PRR16: variants seen among roughly 807,000 people sequenced by gnomAD.
The protein encoded by PRR16 is proline rich 16, also known as protein Largen.
Under a neutral mutation model 18.2 loss-of-function variants are expected in PRR16, and 6 were observed. The observed-to-expected ratio is 0.33, with a 90% CI of 0.18 to 0.65. The LOEUF (loss-of-function observed/expected upper bound fraction) is 0.65. PRR16 is among the 30% of genes least tolerant of loss of function. PRR16 has a pLI of 0.74. For missense variants in PRR16, 412 were observed against 376.6 expected, an observed-to-expected ratio of 1.09 and a Z score of -0.78; for synonymous variants, 151 against 147.8, an observed-to-expected ratio of 1.02 and a Z score of -0.16.
intron 1 of PRR16, among the ~76,000 whole-genome samples, chr5:120,669,769 G>A (rs1756531276): frequency 6.6e-6 from 1 of 151,926 alleles, no homozygotes; most frequent in Non-Finnish European, 1.5e-5. Context: ...AAAGAAAAAA[G>A]TGTTTCTAGA....
At chr5:120,675,554 A>G (rs1756766977) in intron 1 of PRR16, among the ~76,000 whole-genome samples, 1 of 152,070 alleles carries the variant, frequency 6.6e-6, no homozygotes. Flanking sequence ...TTATTAACTC[A>G]TCTGTATATT....
At chr5:120,744,685 T>C in the PRR16 span, among the ~76,000 whole-genome samples, 2 of 152,234 alleles carry the variant, frequency 1.3e-5, no homozygotes, top group African/African-American at 2.4e-5. Flanking sequence ...ACTTATAACA[T>C]GGACAACTTA....
the PRR16 span, among the ~76,000 whole-genome samples, chr5:120,721,774 T>C: frequency 7.9e-5 from 12 of 152,092 alleles, no homozygotes; most frequent in Non-Finnish European, 1.3e-4. Context: ...GAGTTCAAGA[T>C]GGAACAGCAG....
chr5:120,741,704 C>G, the PRR16 span, among the ~76,000 whole-genome samples: 7 of 152,078 alleles, frequency 4.6e-5, no homozygotes, highest in Non-Finnish European at 1.0e-4. Context: ...CTGGTTCAAG[C>G]GATTCCCCTG....
chr5:120,591,604 G>C (rs1267791409), intron 1 of PRR16, among the ~76,000 whole-genome samples: 1 of 151,790 alleles, frequency 6.6e-6, no homozygotes, highest in Non-Finnish European at 1.5e-5. Flanking sequence ...AACTGCTTTT[G>C]TGGTTTTAAG....
chr5:120,650,002 G>A lies in PRR16; in HGVS notation c.160-35952G>A, dbSNP rs137867587. Among the ~76,000 whole-genome samples the A allele has an allele frequency of 3.1e-3, 477 of 151,914 alleles. 2 individuals carry two copies. The highest frequency in any genetic ancestry group is 0.011 in the African/African-American group (461 of 41,448). On this transcript the variant is annotated intron_variant, in intron 1 of 1. Transcript: ENST00000407149. ...TGGGAGGCCTAGGTGGGCAGATCAC[G>A]AGGTCAAGAGATTGAGACCATCCTG...
chr5:120,628,211 C>A (rs1297699510), intron 1 of PRR16, among the ~76,000 whole-genome samples: 2 of 152,038 alleles, frequency 1.3e-5, no homozygotes, highest in Admixed American at 1.3e-4. Context: ...GAACCTGATG[C>A]GCTGACAGTA....
At chr5:120,666,493 A>T (rs1270978212) in intron 1 of PRR16, among the ~76,000 whole-genome samples, 4 of 151,378 alleles carry the variant, frequency 2.6e-5, no homozygotes, top group Non-Finnish European at 5.9e-5. Flanking sequence ...TTCCAACACT[A>T]TGTTGCATAG....
chr5:120,590,083 A>G (rs1753582194), intron 1 of PRR16, among the ~76,000 whole-genome samples: 1 of 152,118 alleles, frequency 6.6e-6, no homozygotes, highest in Admixed American at 6.6e-5. Flanking sequence ...ACAACACATG[A>G]TTTTCAGAAA....
Position 120,651,678 on chromosome 5 carries a change from A to G in PRR16, c.160-34276A>G, listed in dbSNP as rs539959660. On this transcript the variant is annotated intron_variant, in intron 1 of 1. Transcript: ENST00000407149. ...ATTTCTGAGGTCTCTGTTCTGTTCCATTGGTCTATATCTCTGTTTTGGTAC... is the reference window on the plus strand; with the variant it reads ...ATTTCTGAGGTCTCTGTTCTGTTCCGTTGGTCTATATCTCTGTTTTGGTAC... Among the ~76,000 whole-genome samples the G allele has an allele frequency of 2.0e-5, 3 of 152,110 alleles. No homozygotes were observed. The East Asian group carries it at 5.8e-4, about 29-fold the overall frequency.
At chr5:120,791,073 A>AAAGTC in the PRR16 span, among the ~76,000 whole-genome samples, 1 of 152,108 alleles carries the variant, frequency 6.6e-6, no homozygotes, top group East Asian at 1.9e-4. Flanking sequence ...TCTTAATTAA[A>AAAGTC]AAGTCATTTG....
At chr5:120,580,983 T>C (rs1250273784) in intron 1 of PRR16, among the ~76,000 whole-genome samples, 1 of 152,074 alleles carries the variant, frequency 6.6e-6, no homozygotes, top group Non-Finnish European at 1.5e-5. Flanking sequence ...GCCTGAAGTA[T>C]TTTGTGTGTG....
At chr5:120,721,607 ATTG>A in the PRR16 span, among the ~76,000 whole-genome samples, 6 of 152,048 alleles carry the variant, frequency 3.9e-5, no homozygotes, top group African/African-American at 1.2e-4. Flanking sequence ...AGTGTGCCAA[ATTG>A]TTGTGAGCAA....
At chr5:120,486,111 C>A (rs1185944841) in intron 1 of PRR16, among the ~76,000 whole-genome samples, 2 of 152,254 alleles carry the variant, frequency 1.3e-5, no homozygotes, top group African/African-American at 4.8e-5. Flanking sequence ...AATAAACATA[C>A]ATGTGCATGT....
intron 1 of PRR16, among the ~76,000 whole-genome samples, chr5:120,477,996 G>A (rs1749497983): frequency 6.6e-6 from 1 of 152,058 alleles, no homozygotes; most frequent in South Asian, 2.1e-4. Context: ...ATAATCATCA[G>A]TTATTTATAT....
At chr5:120,750,666 C>CA in the PRR16 span, among the ~76,000 whole-genome samples, 84 of 144,384 alleles carry the variant, frequency 5.8e-4, 1 homozygote, top group Middle Eastern at 3.5e-3. Context: ...GACTCCATCT[C>CA]AAAAAAAAAA....
the PRR16 span, among the ~76,000 whole-genome samples, chr5:120,694,208 CT>C: frequency 6.6e-6 from 1 of 152,026 alleles, no homozygotes; most frequent in African/African-American, 2.4e-5. Context: ...TTTTATTTGC[CT>C]TAGTTGATGC....
intron 1 of PRR16, among the ~76,000 whole-genome samples, chr5:120,517,620 T>C (rs956913950): frequency 1.6e-4 from 24 of 152,212 alleles, no homozygotes; most frequent in Non-Finnish European, 5.9e-5. Context: ...GGATTTCTTT[T>C]CTTTTAAAAC....
intron 1 of PRR16, among the ~76,000 whole-genome samples, chr5:120,630,997 GA>G (rs1461725529): frequency 1.3e-5 from 2 of 152,010 alleles, no homozygotes; most frequent in African/African-American, 4.8e-5. Flanking sequence ...AAATATTGAG[GA>G]CCAATATCAC....
Sources: allele counts gnomAD v4.1 joint callset (sites outside exome capture counted in the v4.1 genomes callset), GRCh38; gene constraint gnomAD v4.1.1; transcripts MANE v1.5; gene names NCBI Gene and HGNC (gene_info 2026-07-23, HGNC 2026-07-21).